SAMD3: variants seen among roughly 807,000 people sequenced by gnomAD.
SAMD3 encodes the protein sterile alpha motif domain-containing protein 3.
Under a neutral mutation model 58.5 loss-of-function variants are expected in SAMD3, and 63 were observed. The observed-to-expected ratio is 1.08, with a 90% CI of 0.88 to 1.33. The LOEUF (loss-of-function observed/expected upper bound fraction) is 1.33. SAMD3 is among the 40% of genes most tolerant of loss of function. SAMD3 has a pLI of 0.00. For missense variants in SAMD3, 604 were observed against 608.4 expected, an observed-to-expected ratio of 0.99 and a Z score of 0.08; for synonymous variants, 220 against 210.3, an observed-to-expected ratio of 1.05 and a Z score of -0.40.
At chr6:130,169,641 T>C (rs906136933) in intron 8 of SAMD3, among the ~76,000 whole-genome samples, 1 of 152,152 alleles carries the variant, frequency 6.6e-6, no homozygotes, top group Non-Finnish European at 1.5e-5. Context: ...GGATTGACCA[T>C]AGCAGGGTTC....
chr6:130,232,021 T>TAATTAATTTAAATTC (rs1796562849), intron 2 of SAMD3, among the ~76,000 whole-genome samples: 1 of 152,190 alleles, frequency 6.6e-6, no homozygotes, highest in African/African-American at 2.4e-5. Flanking sequence ...TATTTAATTT[T>TAATTAATTTAAATTC]AATTAATTTA....
intron 1 of SAMD3, among the ~76,000 whole-genome samples, chr6:130,361,629 AGATCAT>A (rs1381628625): frequency 1.3e-5 from 2 of 152,242 alleles, no homozygotes; most frequent in African/African-American, 4.8e-5. Flanking sequence ...TCTTTACTCT[AGATCAT>A]GATTATGGAT....
At chr6:130,281,942 A>G (rs1314013100) in intron 2 of SAMD3, among the ~76,000 whole-genome samples, 1 of 152,130 alleles carries the variant, frequency 6.6e-6, no homozygotes, top group African/African-American at 2.4e-5. Context: ...ACCTACTCAC[A>G]GATCTTCAAA....
At chr6:130,147,109 G>A (rs1788708356) in intron 9 of SAMD3, among the ~76,000 whole-genome samples, 1 of 152,124 alleles carries the variant, frequency 6.6e-6, no homozygotes, top group African/African-American at 2.4e-5. Context: ...CCCCCTCAGA[G>A]GATTCCACCA....
At chr6:130,365,450 G>A, upstream of SAMD3, 4 of 985,546 alleles carry the variant, frequency 4.1e-6, no homozygotes, top group Non-Finnish European at 3.6e-6. Context: ...TTTAGCTCGC[G>A]CAGCGCCCGC....
intron 2 of SAMD3, among the ~76,000 whole-genome samples, chr6:130,241,783 T>C (rs190644921): frequency 1.3e-5 from 2 of 152,228 alleles, no homozygotes; most frequent in Admixed American, 6.5e-5. Context: ...AGTTAATTTT[T>C]TCCTATTCTA....
intron 1 of SAMD3, among the ~76,000 whole-genome samples, chr6:130,314,440 G>A (rs963378079): frequency 1.3e-5 from 2 of 152,086 alleles, no homozygotes; most frequent in Admixed American, 6.6e-5. Flanking sequence ...GAGATTACAG[G>A]TTGCCATTTT....
intron 5 of SAMD3, among the ~76,000 whole-genome samples, chr6:130,186,129 A>G (rs13216555): frequency 0.48 from 72,778 of 151,710 alleles, 17,659 homozygotes; most frequent in South Asian, 0.53. Context: ...TAACCCATTT[A>G]TAAATAGGAT....
At chr6:130,321,212 T>G (rs1011592234) in intron 1 of SAMD3, among the ~76,000 whole-genome samples, 6 of 152,226 alleles carry the variant, frequency 3.9e-5, no homozygotes, top group African/African-American at 1.4e-4. Context: ...TTTCTCATTC[T>G]ATCTTTCTTA....
Position 130,178,530 on chromosome 6 carries a change from A to G in SAMD3, c.655-2522T>C, listed in dbSNP as rs375510283. ...CCAATGGGAATGACACCAAAATAACATTAGCCAAATGCTTGGCACTTAGAT... is the reference window on the plus strand; with the variant it reads ...CCAATGGGAATGACACCAAAATAACGTTAGCCAAATGCTTGGCACTTAGAT... On this transcript the variant is annotated intron_variant, in intron 7 of 11. Transcript: ENST00000439090. Among the ~76,000 whole-genome samples the G allele has an allele frequency of 1.2e-4, 19 of 152,302 alleles. 1 individual carries two copies. The highest frequency in any genetic ancestry group is 3.9e-4 in the East Asian group (2 of 5,174).
intron 2 of SAMD3, among the ~76,000 whole-genome samples, chr6:130,284,436 G>A (rs1006369348): frequency 6.6e-6 from 1 of 151,796 alleles, no homozygotes; most frequent in African/African-American, 2.4e-5. Context: ...TCTTATAGAA[G>A]GCAGGAAAAG....
In SAMD3 at chr6:130,329,892, A is replaced by G. The variant is rs561144120; in HGVS notation, c.-303-16799T>C. ...AGAACACATGGACACAGGGAGGGGAACATCACACACTGGGGCCTGTTGGGG... is the reference window on the plus strand; with the variant it reads ...AGAACACATGGACACAGGGAGGGGAGCATCACACACTGGGGCCTGTTGGGG... On this transcript the variant is annotated intron_variant, in intron 1 of 13. Coordinates refer to the SAMD3 transcript ENST00000368134. Among the ~76,000 whole-genome samples the G allele has an allele frequency of 4.0e-3, 579 of 144,964 alleles. 5 individuals carry two copies. Among genetic ancestry groups the G allele is most frequent in the African/African-American group, 0.014 (538 of 39,476 alleles).
intron 2 of SAMD3, among the ~76,000 whole-genome samples, chr6:130,264,010 T>G (rs1407920604): frequency 6.6e-6 from 1 of 152,210 alleles, no homozygotes; most frequent in African/African-American, 2.4e-5. Context: ...ACAACAAACT[T>G]TAGCAATTAA....
chr6:130,284,867 T>C (rs1775103354), intron 2 of SAMD3, among the ~76,000 whole-genome samples: 1 of 152,152 alleles, frequency 6.6e-6, no homozygotes, highest in Non-Finnish European at 1.5e-5. Flanking sequence ...ATAGAGAACA[T>C]TTTATACAAT....
At chr6:130,234,475 T>C (rs1796628632) in intron 2 of SAMD3, among the ~76,000 whole-genome samples, 1 of 152,224 alleles carries the variant, frequency 6.6e-6, no homozygotes, top group South Asian at 2.1e-4. Flanking sequence ...CACACACATA[T>C]ATATCCATGA....
intron 8 of SAMD3, among the ~76,000 whole-genome samples, chr6:130,156,929 G>T (rs1370899470): frequency 6.6e-6 from 1 of 152,054 alleles, no homozygotes; most frequent in African/African-American, 2.4e-5. Context: ...AAGTAGCCAG[G>T]TGTGGTGGCA....
At chr6:130,203,267 C>T (rs1376257155) in intron 5 of SAMD3, among the ~76,000 whole-genome samples, 1 of 62,216 alleles carries the variant, frequency 1.6e-5, no homozygotes, top group Non-Finnish European at 3.6e-5. Context: ...AGCTCCTAAG[C>T]ATTTTTTTCA....
chr6:130,339,182 G>A (rs1340861454), intron 1 of SAMD3, among the ~76,000 whole-genome samples: 1 of 152,120 alleles, frequency 6.6e-6, no homozygotes, highest in African/African-American at 2.4e-5. Context: ...AAGTAGCTGG[G>A]ACTACAGGTG....
intron 5 of SAMD3, among the ~76,000 whole-genome samples, chr6:130,185,101 T>A (rs1792808502): frequency 6.6e-6 from 1 of 152,220 alleles, no homozygotes; most frequent in Non-Finnish European, 1.5e-5. Flanking sequence ...AGTTTGTCTT[T>A]GCCTATTTTG....
Sources: allele counts gnomAD v4.1 joint callset (sites outside exome capture counted in the v4.1 genomes callset), GRCh38; gene constraint gnomAD v4.1.1; transcripts MANE v1.5; gene names NCBI Gene and HGNC (gene_info 2026-07-23, HGNC 2026-07-21).